Variants in FRMPD4 observed in about 807,000 individuals in gnomAD.
The protein encoded by FRMPD4 is FERM and PDZ domain-containing protein 4.
Under a neutral mutation model 94.1 loss-of-function variants are expected in FRMPD4, and 22 were observed. The observed-to-expected ratio is 0.23, with a 90% CI of 0.17 to 0.33. The LOEUF (loss-of-function observed/expected upper bound fraction) is 0.33. FRMPD4 is among the 10% of genes least tolerant of loss of function. FRMPD4 has a pLI of 1.00. For synonymous variants in FRMPD4, 631 were observed against 548.6 expected (o/e 1.15, Z -2.10); for missense variants, 1,111 against 1,339.9 (o/e 0.83, Z 2.67).
At chrX:12,039,891 C>G (rs376897747) in intron 3 of FRMPD4, among the ~76,000 whole-genome samples, 2 of 105,438 alleles carry the variant, frequency 1.9e-5, no homozygotes, top group Admixed American at 2.1e-4. Context: ...ATCTCTTCAA[C>G]CAGGGAGGCA....
chrX:12,116,280 T>C (rs1015119005), intron 3 of FRMPD4, among the ~76,000 whole-genome samples: 6 of 112,388 alleles, frequency 5.3e-5, no homozygotes, highest in African/African-American at 1.3e-4. Flanking sequence ...CTCTCTCTCT[T>C]TCTCTCTTTT....
At chrX:12,296,454 G>A (rs1436984609) in intron 1 of FRMPD4, among the ~76,000 whole-genome samples, 1 of 111,645 alleles carries the variant, frequency 9.0e-6, no homozygotes, top group Admixed American at 9.5e-5. Context: ...CTGTGTCCAC[G>A]TAACACAAGT....
intron 2 of FRMPD4, among the ~76,000 whole-genome samples, chrX:12,594,637 G>A (rs192328029): frequency 4.6e-4 from 51 of 109,827 alleles, no homozygotes; most frequent in Middle Eastern, 4.7e-3. Context: ...GGGTTTCACC[G>A]CGTTAGCCAG....
chrX:12,408,320 C>T (rs1387846529), intron 1 of FRMPD4, among the ~76,000 whole-genome samples: 1 of 108,909 alleles, frequency 9.2e-6, no homozygotes, highest in Non-Finnish European at 1.9e-5. Flanking sequence ...TTAGCCTTTA[C>T]AATATCACAT....
intron 3 of FRMPD4, among the ~76,000 whole-genome samples, chrX:12,039,659 G>A (rs2054740663): frequency 9.1e-6 from 1 of 110,489 alleles, no homozygotes; most frequent in African/African-American, 3.3e-5. Flanking sequence ...AGGAACATTT[G>A]TGTATGCTTA....
chrX:12,360,615 C>G (rs1046414278), intron 1 of FRMPD4, among the ~76,000 whole-genome samples: 1 of 111,658 alleles, frequency 9.0e-6, no homozygotes, highest in Non-Finnish European at 1.9e-5. Flanking sequence ...CCAACTGATA[C>G]AAATTCCTTC....
intron 2 of FRMPD4, among the ~76,000 whole-genome samples, chrX:12,598,026 G>C (rs1193560550): frequency 9.0e-6 from 1 of 110,574 alleles, no homozygotes; most frequent in Admixed American, 9.7e-5. Context: ...TTCAGGTTTT[G>C]TTTTTAATTT....
At chrX:12,075,605 A>C (rs59720898) in intron 3 of FRMPD4, among the ~76,000 whole-genome samples, 6,425 of 112,244 alleles carry the variant, frequency 0.057, 475 homozygotes, top group African/African-American at 0.2. Flanking sequence ...TGACAGCTGC[A>C]GCAGGTGCCC....
intron 3 of FRMPD4, among the ~76,000 whole-genome samples, chrX:11,943,067 C>T (rs753764223): frequency 8.9e-6 from 1 of 112,067 alleles, no homozygotes; most frequent in East Asian, 2.8e-4. Flanking sequence ...GTAGACCTTT[C>T]CTTCTGCAAG....
intron 3 of FRMPD4, among the ~76,000 whole-genome samples, chrX:12,093,900 C>G (rs149828557): frequency 4.1e-3 from 425 of 104,835 alleles, no homozygotes; most frequent in African/African-American, 0.014. Context: ...AGACTACTTG[C>G]ATGAAAAAAA....
In FRMPD4 at chrX:12,720,895, G is replaced by C. The variant is rs2042225560; in HGVS notation, c.4326G>C (p.Arg1442Ser). 1.2e-6 allele frequency: 1 copy of C among 842,731 alleles called. No homozygotes were observed. The highest frequency in any genetic ancestry group is 1.4e-6 in the Non-Finnish European group (1 of 694,422). 69.5% of individuals were successfully genotyped at this position (842,731 alleles called of 1,213,427 possible). Residue 1442 changes from arginine (R) to serine (S), a missense_variant, in exon 17 of 17, where the codon AGG becomes AGC. Transcript: ENST00000675598. ...AAGCACAGGAGGCCAGTTCTGAAAGGCGAGCAGAACTCCCCCTGGGGAGGA... is the reference window on the plus strand; with the variant it reads ...AAGCACAGGAGGCCAGTTCTGAAAGCCGAGCAGAACTCCCCCTGGGGAGGA... ...ITEAQEASSE[R>S]RAELPLGRKL...
intron 4 of FRMPD4, among the ~76,000 whole-genome samples, chrX:12,661,317 A>T (rs987514376): frequency 8.9e-6 from 1 of 112,097 alleles, no homozygotes; most frequent in Non-Finnish European, 1.9e-5. Flanking sequence ...CTTAATAAGG[A>T]TCTTTTCTTA....
chrX:12,134,339 A>G (rs857348), upstream of FRMPD4, among the ~76,000 whole-genome samples: 49,974 of 111,252 alleles, frequency 0.45, 8,950 homozygotes, highest in East Asian at 0.83. Flanking sequence ...TTCTATGAGA[A>G]CAGAAACTTG....
chrX:12,301,158 A>ATGCCACCGCCAT (rs67215594), intron 1 of FRMPD4, among the ~76,000 whole-genome samples: 22,380 of 109,932 alleles, frequency 0.2, 2,145 homozygotes, highest in Admixed American at 0.43. Context: ...ACTTCTCCAC[A>ATGCCACCGCCAT]TACCAAGGCA....
chrX:12,394,147 G>A (rs1358296418), intron 1 of FRMPD4, among the ~76,000 whole-genome samples: 1 of 111,672 alleles, frequency 9.0e-6, no homozygotes, highest in African/African-American at 3.3e-5. Context: ...CATCAATATG[G>A]AAATGTCATG....
At chrX:11,838,066 A>C (rs1189035891) in intron 1 of FRMPD4, among the ~76,000 whole-genome samples, 1 of 111,557 alleles carries the variant, frequency 9.0e-6, no homozygotes, top group Non-Finnish European at 1.9e-5. Context: ...TATAAGTTGA[A>C]GACACTTTTT....
intron 2 of FRMPD4, among the ~76,000 whole-genome samples, chrX:12,508,991 CAA>C (rs770698547): frequency 2.1e-3 from 65 of 30,532 alleles, no homozygotes; most frequent in African/African-American, 8.0e-3. Flanking sequence ...GACTCTGTCT[CAA>C]AAAAAAAAAA....
chrX:12,220,576 T>C (rs759943970), intron 1 of FRMPD4, among the ~76,000 whole-genome samples: 3 of 112,038 alleles, frequency 2.7e-5, no homozygotes, highest in Admixed American at 9.5e-5. Context: ...CCACATTCCA[T>C]TGGTCAGCAC....
At chrX:12,231,029 A>AGTAT (rs2056992928) in intron 1 of FRMPD4, among the ~76,000 whole-genome samples, 1 of 40,675 alleles carries the variant, frequency 2.5e-5, no homozygotes, top group Non-Finnish European at 4.5e-5. Flanking sequence ...GTATATATAT[A>AGTAT]GTATATATAT....
Sources: allele counts gnomAD v4.1 joint callset (sites outside exome capture counted in the v4.1 genomes callset), GRCh38; gene constraint gnomAD v4.1.1; transcripts MANE v1.5; gene names NCBI Gene and HGNC (gene_info 2026-07-23, HGNC 2026-07-21).